DRC9: variants seen among roughly 807,000 people sequenced by gnomAD.
DRC9 encodes the protein dynein regulatory complex protein 9.
At chr3:197,954,881 T>C in the DRC9 span, among the ~76,000 whole-genome samples, 1 of 152,192 alleles carries the variant, frequency 6.6e-6, no homozygotes, top group African/African-American at 2.4e-5. Context: ...AATTCAACAG[T>C]TACGCCTGGC....
chr3:197,943,890 G>C, the DRC9 span: 2 of 1,614,014 alleles, frequency 1.2e-6, no homozygotes. Flanking sequence ...ATCTGGAAGG[G>C]ACAGTGGCTC....
chr3:197,899,834 C>A, the DRC9 span, among the ~76,000 whole-genome samples: 3,512 of 152,060 alleles, frequency 0.023, 157 homozygotes, highest in African/African-American at 0.08. Flanking sequence ...AATCGCAGTA[C>A]CTGGTTTTAA....
the DRC9 span, chr3:197,956,621 A>G: frequency 2.2e-5 from 3 of 137,688 alleles, no homozygotes; most frequent in Non-Finnish European, 3.1e-5. Flanking sequence ...GTTTTGCTGT[A>G]TGGTTTTTTT....
At chr3:197,900,865 G>A in the DRC9 span, among the ~76,000 whole-genome samples, 1 of 152,208 alleles carries the variant, frequency 6.6e-6, no homozygotes, top group Non-Finnish European at 1.5e-5. The surrounding 1 kb of genome is among the most constrained non-coding windows in gnomAD (Gnocchi z 4.7). Flanking sequence ...CTGCCTTGTA[G>A]GGGAGGGCCC....
chr3:197,939,773 C>T, the DRC9 span, among the ~76,000 whole-genome samples: 3 of 151,510 alleles, frequency 2.0e-5, no homozygotes, highest in Non-Finnish European at 4.4e-5. Flanking sequence ...GGGTCTTGCT[C>T]CGCCGCCCAG....
At chr3:197,950,159 A>C in the DRC9 span, 8 of 1,231,766 alleles carry the variant, frequency 6.5e-6, no homozygotes, top group Non-Finnish European at 8.1e-6. Flanking sequence ...AAGATGTTTA[A>C]TCCCACAAGG....
At chr3:197,953,767 T>TA in the DRC9 span, 2 of 589,982 alleles carry the variant, frequency 3.4e-6, no homozygotes, top group Non-Finnish European at 6.0e-6. Context: ...TCCTTAAACT[T>TA]ACTTGGTTAT....
chr3:197,902,554 T>G, the DRC9 span, among the ~76,000 whole-genome samples: 2 of 151,576 alleles, frequency 1.3e-5, no homozygotes, highest in Non-Finnish European at 2.9e-5. Context: ...AACTCTTGAG[T>G]TGAAAAATGC....
the DRC9 span, chr3:197,914,070 T>C: frequency 1.2e-3 from 1,975 of 1,597,124 alleles, 20 homozygotes; most frequent in African/African-American, 0.024. Context: ...GGTTTCTAAA[T>C]TGAAAATACA....
the DRC9 span, among the ~76,000 whole-genome samples, chr3:197,893,857 GAA>G: frequency 3.3e-3 from 504 of 151,878 alleles, 3 homozygotes; most frequent in African/African-American, 0.011. Context: ...CAAAAAAAAA[GAA>G]AAAGAAAGAA....
At chr3:197,935,418 G>A in the DRC9 span, among the ~76,000 whole-genome samples, 632 of 148,446 alleles carry the variant, frequency 4.3e-3, 10 homozygotes, top group African/African-American at 0.015. Flanking sequence ...CAGTATGGGC[G>A]ACAGAACGAG....
chr3:197,898,383 A>C, the DRC9 span, among the ~76,000 whole-genome samples: 5 of 152,228 alleles, frequency 3.3e-5, no homozygotes, highest in Non-Finnish European at 7.3e-5. Context: ...ACTAGAAAAT[A>C]AAAAAGTGAA....
the DRC9 span, among the ~76,000 whole-genome samples, chr3:197,941,446 CCCATCCCCCTCCCTCCTCA>C: frequency 2.2e-5 from 1 of 45,800 alleles, no homozygotes; most frequent in African/African-American, 9.4e-5. Context: ...TCCCTCCTCT[CCCATCCCCCTCCCTCCTCA>C]CCCTTCCCCC....
At chr3:197,954,978 ACT>A in the DRC9 span, among the ~76,000 whole-genome samples, 1 of 151,916 alleles carries the variant, frequency 6.6e-6, no homozygotes, top group Non-Finnish European at 1.5e-5. Context: ...AAGAAAACAG[ACT>A]CTCATGTTCC....
the DRC9 span, chr3:197,914,191 C>G: frequency 8.5e-6 from 6 of 703,724 alleles, no homozygotes; most frequent in Admixed American, 1.4e-4. Context: ...ATTTAGCCAA[C>G]AATCATGAAG....
chr3:197,933,334 G>A, the DRC9 span, among the ~76,000 whole-genome samples: 1 of 151,502 alleles, frequency 6.6e-6, no homozygotes, highest in Admixed American at 6.6e-5. Flanking sequence ...CCAGCTACTC[G>A]GGAGGCTGAG....
chr3:197,917,834 G>A, the DRC9 span, among the ~76,000 whole-genome samples: 142 of 148,612 alleles, frequency 9.6e-4, no homozygotes, highest in African/African-American at 3.4e-3. Context: ...GGGTTCAAGC[G>A]ATTCTCCTGC....
the DRC9 span, among the ~76,000 whole-genome samples, chr3:197,928,823 A>G: frequency 3.9e-5 from 6 of 152,354 alleles, no homozygotes; most frequent in South Asian, 1.0e-3. Context: ...GTACAGAATG[A>G]GAAGCTAAGA....
chr3:197,898,136 G>C, the DRC9 span, among the ~76,000 whole-genome samples: 1 of 151,930 alleles, frequency 6.6e-6, no homozygotes, highest in African/African-American at 2.4e-5. Flanking sequence ...AGTAAGAATA[G>C]AACCTCCAGT....
Sources: gnomAD v4.1 joint callset for allele counts (sites outside exome capture counted in the v4.1 genomes callset) on GRCh38, gnomAD v4.1.1 for gene constraint, Gnocchi (gnomAD v3.1) non-coding constraint, MANE v1.5 for transcripts, NCBI Gene and HGNC (gene_info 2026-07-23, HGNC 2026-07-21) for gene names.